Variants in GLCE observed in about 807,000 individuals in gnomAD.
GLCE encodes the protein glucuronic acid epimerase, also known as D-glucuronyl C5-epimerase.
In GLCE, 19 loss-of-function variants were observed where a neutral mutation model predicts 47.9. The observed-to-expected ratio is 0.40, with a 90% CI of 0.28 to 0.58. GLCE has a LOEUF of 0.58. Among genes scored for constraint, GLCE ranks in the 20% least tolerant of loss-of-function variants. GLCE has a pLI of 0.48. For synonymous variants in GLCE, 245 were observed against 263.4 expected, an observed-to-expected ratio of 0.93 and a Z score of 0.68; for missense variants, 556 against 743.3, an observed-to-expected ratio of 0.75 and a Z score of 2.93.
intron 3 of GLCE, among the ~76,000 whole-genome samples, chr15:69,258,142 G>A (rs1196563679): frequency 6.6e-6 from 1 of 151,686 alleles, no homozygotes; most frequent in African/African-American, 2.4e-5. Flanking sequence ...ATCCTCGCCC[G>A]CCACCTACCC....
At chr15:69,198,815 A>C (rs750550456) in intron 1 of GLCE, among the ~76,000 whole-genome samples, 1 of 152,066 alleles carries the variant, frequency 6.6e-6, no homozygotes, top group Non-Finnish European at 1.5e-5. Context: ...TTGGCCTCCC[A>C]AAGTCTTGGG....
chr15:69,183,713 T>C (rs1362386094), intron 1 of GLCE, among the ~76,000 whole-genome samples: 1 of 152,236 alleles, frequency 6.6e-6, no homozygotes, highest in Non-Finnish European at 1.5e-5. Flanking sequence ...CCAAGGCAAC[T>C]TGGAAATGTG....
chr15:69,231,410 A>G (rs1246777501), intron 2 of GLCE, among the ~76,000 whole-genome samples: 1 of 151,568 alleles, frequency 6.6e-6, no homozygotes, highest in Non-Finnish European at 1.5e-5. Context: ...CAGCCTCCCA[A>G]GTTGCTGGGA....
At chr15:69,251,859 G>A (rs2052849403) in intron 2 of GLCE, among the ~76,000 whole-genome samples, 1 of 152,092 alleles carries the variant, frequency 6.6e-6, no homozygotes, top group South Asian at 2.1e-4. Flanking sequence ...ATATATTTAT[G>A]GAAATGTTTA....
intron 2 of GLCE, among the ~76,000 whole-genome samples, chr15:69,219,767 T>C (rs1351942905): frequency 6.6e-6 from 1 of 152,172 alleles, no homozygotes; most frequent in East Asian, 1.9e-4. Flanking sequence ...TGAACTATTT[T>C]TAAGTATATA....
At chr15:69,161,365 T>A (rs2051417399) in intron 1 of GLCE, among the ~76,000 whole-genome samples, 1 of 151,158 alleles carries the variant, frequency 6.6e-6, no homozygotes, top group Admixed American at 6.6e-5. Context: ...ATGTATCCGT[T>A]CCGCTGGGGC....
At chr15:69,219,532 C>A (rs576278482) in intron 2 of GLCE, among the ~76,000 whole-genome samples, 2 of 152,174 alleles carry the variant, frequency 1.3e-5, no homozygotes, top group Admixed American at 6.5e-5. Flanking sequence ...GAAAGCAAAG[C>A]CTTTGTAAGT....
Position 69,235,093 on chromosome 15 carries a change from C to CTTTTTTT in GLCE, c.-13-20675_-13-20669dup, listed in dbSNP as rs869212730. ...CTGATACAGATAGATGAAGATTATT[C>CTTTTTTT]TTTTTTTTTTTTTTTTTTTTTTTTT... On this transcript the variant is annotated intron_variant, in intron 2 of 4. Transcript: ENST00000261858. 6.0e-4 allele frequency among the ~76,000 whole-genome samples: 38 copies of CTTTTTTT among 62,888 alleles called. 5 individuals are homozygous for CTTTTTTT. The highest frequency in any genetic ancestry group is 1.5e-3 in the African/African-American group (20 of 13,348). 41.3% of individuals were successfully genotyped at this position (62,888 alleles called of 152,430 possible).
chr15:69,168,136 A>G (rs2051532778), intron 1 of GLCE, among the ~76,000 whole-genome samples: 1 of 151,770 alleles, frequency 6.6e-6, no homozygotes, highest in Non-Finnish European at 1.5e-5. Flanking sequence ...TACTCCTACT[A>G]AAAAAAAGTG....
intron 3 of GLCE, among the ~76,000 whole-genome samples, chr15:69,259,146 G>T (rs980410898): frequency 6.6e-6 from 1 of 152,138 alleles, no homozygotes; most frequent in African/African-American, 2.4e-5. Flanking sequence ...AGTGAGGTCA[G>T]ATATCTTTTT....
intron 3 of GLCE, among the ~76,000 whole-genome samples, chr15:69,258,213 A>G (rs1164929598): frequency 6.6e-6 from 1 of 151,944 alleles, no homozygotes; most frequent in Non-Finnish European, 1.5e-5. Context: ...CGTTTTCATC[A>G]TTTAGCTCCC....
At chr15:69,208,150 A>C (rs2052177016) in intron 1 of GLCE, among the ~76,000 whole-genome samples, 1 of 151,924 alleles carries the variant, frequency 6.6e-6, no homozygotes, top group Admixed American at 6.6e-5. Flanking sequence ...ATTTTGTTGA[A>C]GTCCAATTTA....
intron 2 of GLCE, among the ~76,000 whole-genome samples, chr15:69,230,490 T>C (rs4381539): frequency 0.51 from 77,540 of 152,054 alleles, 23,364 homozygotes; most frequent in Admixed American, 0.65. Context: ...AGTTGGGGTC[T>C]GCAACATTAT....
At chr15:69,262,872 T>C (rs2053033716) in intron 4 of GLCE, among the ~76,000 whole-genome samples, 1 of 152,164 alleles carries the variant, frequency 6.6e-6, no homozygotes, top group African/African-American at 2.4e-5. Context: ...AGGTTGAGTA[T>C]CCCTTATCTG....
At chr15:69,264,644 A>G (rs28821220) in intron 4 of GLCE, among the ~76,000 whole-genome samples, 19,056 of 152,114 alleles carry the variant, frequency 0.13, 1,266 homozygotes, top group East Asian at 0.16. Flanking sequence ...GCCAATTTAC[A>G]TTCCCACCCA....
chr15:69,228,071 T>C (rs1045595131), intron 2 of GLCE, among the ~76,000 whole-genome samples: 1 of 152,158 alleles, frequency 6.6e-6, no homozygotes, highest in Non-Finnish European at 1.5e-5. Flanking sequence ...AGGAGGAAAG[T>C]TTTTCTTCTC....
rs1566972358 is a variant in GLCE at position 69,261,055 on chromosome 15, A to G, written c.587-32A>G. 3 of 1,591,046 alleles carry G rather than the reference A, an allele frequency of 1.9e-6. 1 individual carries two copies. In the South Asian group the frequency reaches 3.3e-5, roughly 18 times the overall value. On this transcript the variant is annotated intron_variant, in intron 3 of 4. Coordinates refer to ENST00000261858, the MANE Select transcript of GLCE (RefSeq NM_015554.3). Reference sequence around the variant, plus strand: ...AGGAATAGGCTTGTAATGTCTGGATATGATTATTCATTTTGTTTCTCTATT... The same window carrying G: ...AGGAATAGGCTTGTAATGTCTGGATGTGATTATTCATTTTGTTTCTCTATT...
At chr15:69,255,662 A>G (rs1035129638) in intron 2 of GLCE, 132 bp from the exon 3 acceptor site, 1 of 552,512 alleles carries the variant, frequency 1.8e-6, no homozygotes, top group Non-Finnish European at 3.1e-6. Context: ...TGAGTTTGCA[A>G]TTTTAAATCT....
chr15:69,197,141 C>A, intron 1 of GLCE: 1 of 384,262 alleles, frequency 2.6e-6, no homozygotes, highest in South Asian at 2.1e-5. Context: ...GGGCCCAGTC[C>A]TTCGGCACAA....
Sources: allele counts gnomAD v4.1 joint callset (sites outside exome capture counted in the v4.1 genomes callset), GRCh38; gene constraint gnomAD v4.1.1; transcripts MANE v1.5; gene names NCBI Gene and HGNC (gene_info 2026-07-23, HGNC 2026-07-21).